The following CCDC38 variants were observed in gnomAD, a reference collection of about 807,000 sequenced individuals.
CCDC38 encodes the protein coiled-coil domain containing 38.
Under a neutral mutation model 72.8 loss-of-function variants are expected in CCDC38, and 69 were observed. The observed-to-expected ratio is 0.95, with a 90% CI of 0.78 to 1.16. CCDC38 has a LOEUF of 1.16. Among genes scored for constraint, CCDC38 ranks in the 50% most tolerant of loss-of-function variants. The probability of loss-of-function intolerance (pLI) is 0.00; values close to 1 mark genes in which losing one functional copy is unlikely to be tolerated. For synonymous variants in CCDC38, 201 were observed against 213.2 expected, an observed-to-expected ratio of 0.94 and a Z score of 0.50; for missense variants, 626 against 638.9, an observed-to-expected ratio of 0.98 and a Z score of 0.22.
chr12:95,880,384 G>A (rs977935885), intron 11 of CCDC38, among the ~76,000 whole-genome samples: 4 of 152,110 alleles, frequency 2.6e-5, no homozygotes, highest in South Asian at 2.1e-4. Context: ...GACCGGGTGC[G>A]GTGGCTCACA....
chr12:95,917,366 T>C (rs2080157004), intron 3 of CCDC38, 72 bp from the exon 4 acceptor site: 6 of 1,236,988 alleles, frequency 4.9e-6, no homozygotes, highest in Non-Finnish European at 6.7e-6. Flanking sequence ...AGTGATTATA[T>C]ATAAAAATAA....
At chr12:95,888,294 G>C (rs779909246) in intron 10 of CCDC38, among the ~76,000 whole-genome samples, 164 bp downstream of exon 10, 1 of 152,206 alleles carries the variant, frequency 6.6e-6, no homozygotes, top group Non-Finnish European at 1.5e-5. Flanking sequence ...AGATTGGAGA[G>C]AGGCCTGTGA....
intron 5 of CCDC38, 104 bp downstream of exon 5, chr12:95,906,283 G>T: frequency 1.2e-6 from 1 of 804,402 alleles, no homozygotes; most frequent in East Asian, 2.6e-5. Flanking sequence ...TCAACCAATA[G>T]ATTTGGGACA....
rs575211510 is a variant in CCDC38 at position 95,910,564 on chromosome 12, A to T, written c.305-4113T>A. On this transcript the variant is annotated intron_variant, in intron 4 of 15. Coordinates refer to ENST00000344280, the MANE Select transcript of CCDC38 (RefSeq NM_182496.3). ...TCACTTTTCACAGAATTAGAAAAAA[A>T]CTATTCTAGAATTCAGGCTGGGCAT... Among the ~76,000 whole-genome samples the T allele has an allele frequency of 2.0e-5, 3 of 152,330 alleles. No individual in the cohort carries two copies. In the South Asian group the frequency reaches 6.2e-4, roughly 32 times the overall value.
chr12:95,922,411 A>G (rs1205915058), intron 2 of CCDC38, among the ~76,000 whole-genome samples: 1 of 152,238 alleles, frequency 6.6e-6, no homozygotes, highest in Non-Finnish European at 1.5e-5. Flanking sequence ...TCAGGAGCAC[A>G]GTGAATCACC....
chr12:95,926,435 C>T (rs1183389232), intron 2 of CCDC38, among the ~76,000 whole-genome samples: 8 of 151,544 alleles, frequency 5.3e-5, no homozygotes, highest in Admixed American at 4.6e-4. Flanking sequence ...TCTCTCTTTT[C>T]TTCTTTATTA....
chr12:95,929,556 G>C (rs922867905), intron 2 of CCDC38, among the ~76,000 whole-genome samples: 5 of 152,108 alleles, frequency 3.3e-5, no homozygotes, highest in Admixed American at 2.6e-4. Flanking sequence ...GGCCATCTTG[G>C]CTCCTCCCCT....
At chr12:95,897,973 G>A (rs918441911) in intron 7 of CCDC38, among the ~76,000 whole-genome samples, 3 of 152,060 alleles carry the variant, frequency 2.0e-5, no homozygotes, top group South Asian at 2.1e-4. Context: ...TAAGATGATC[G>A]TAGAATGAGT....
intron 4 of CCDC38, among the ~76,000 whole-genome samples, chr12:95,914,512 A>G (rs1252807251): frequency 6.6e-6 from 1 of 152,096 alleles, no homozygotes; most frequent in Admixed American, 6.5e-5. Context: ...TTCAAAACAA[A>G]TTCAAGCCTT....
Position 95,898,403 on chromosome 12 carries a change from T to A in CCDC38, c.596A>T (p.Glu199Val). Residue 199 changes from glutamate (E) to valine (V), a missense_variant, in exon 7 of 16, where the codon GAG becomes GTG. By Grantham distance (121) the Glu-to-Val change is moderately radical. Transcript: ENST00000344280. ...CCCTCACCTTTTCACTGCTTGTACC[T>A]CCATGCTTGCTTTCTTCAGCTCTGC... ...MTAELKKASM[E>V]VQAVKSEIAK... The A allele has an allele frequency of 6.2e-7, 1 of 1,614,204 alleles. No individual in the cohort carries two copies. Among genetic ancestry groups the A allele is most frequent in the Non-Finnish European group, 8.5e-7 (1 of 1,180,032 alleles).
chr12:95,907,144 G>C (rs1368820700), intron 4 of CCDC38, among the ~76,000 whole-genome samples: 2 of 147,866 alleles, frequency 1.4e-5, no homozygotes, highest in African/African-American at 5.0e-5. Context: ...TTGGGGGTAA[G>C]GTCACAGATC....
chr12:95,870,870 A>C (rs189757447), intron 14 of CCDC38, among the ~76,000 whole-genome samples: 4 of 152,226 alleles, frequency 2.6e-5, no homozygotes, highest in Non-Finnish European at 4.4e-5. Context: ...AGTACTTACT[A>C]TGCGCCAAGC....
At chr12:95,871,681 G>GAATGAATGTTGAGGAATAAATC (rs141553429) in intron 14 of CCDC38, among the ~76,000 whole-genome samples, 32,426 of 151,672 alleles carry the variant, frequency 0.21, 4,233 homozygotes, top group Non-Finnish European at 0.3. Flanking sequence ...AGGAATAAAT[G>GAATGAATGTTGAGGAATAAATC]AGTGAATGTT....
At chr12:95,941,120 G>T (rs1184536071) in intron 1 of CCDC38, among the ~76,000 whole-genome samples, 1 of 152,142 alleles carries the variant, frequency 6.6e-6, no homozygotes, top group Admixed American at 6.5e-5. Context: ...GAGCTTATCA[G>T]GTAATGTTGT....
intron 3 of CCDC38, among the ~76,000 whole-genome samples, chr12:95,917,766 G>A (rs902934995): frequency 6.6e-6 from 1 of 151,790 alleles, no homozygotes; most frequent in Non-Finnish European, 1.5e-5. Flanking sequence ...CAGCTACTCA[G>A]GAGGCTGAGG....
chr12:95,875,152 T>A (rs2121417413), intron 13 of CCDC38, among the ~76,000 whole-genome samples: 1 of 150,958 alleles, frequency 6.6e-6, no homozygotes, highest in East Asian at 1.9e-4. Flanking sequence ...CCAACAGAGT[T>A]CGAAAACAGG....
intron 12 of CCDC38, 120 bp from the exon 13 acceptor site, chr12:95,878,466 G>A: frequency 1.0e-6 from 1 of 955,016 alleles, no homozygotes; most frequent in Non-Finnish European, 1.6e-6. Flanking sequence ...CCAAATACAA[G>A]TCTGTATTTG....
rs1396912607 is a variant in CCDC38, at chr12:95,867,136, C to T, written c.1632G>A (p.Gln544=). 2 of 1,609,554 alleles carry T rather than the reference C, an allele frequency of 1.2e-6. No homozygotes were observed. Among genetic ancestry groups the T allele is most frequent in the Non-Finnish European group, 1.7e-6 (2 of 1,177,788 alleles). The stretch of plus-strand genomic sequence containing the variant: ...TTTTTGTTTCATTGACTAAAGGTAG[C>T]TGCTGTTTGTTACCAGATGGAGGTT... ...HSKPPSGNKQ[Q]LPLVNETKTK... Residue 544 remains glutamine (Q), a synonymous_variant, in exon 16 of 16, where the codon CAG becomes CAA. Coordinates refer to ENST00000344280, the MANE Select transcript of CCDC38 (RefSeq NM_182496.3).
At chr12:95,902,006 T>G (rs1415114064) in intron 5 of CCDC38, among the ~76,000 whole-genome samples, 1 of 152,186 alleles carries the variant, frequency 6.6e-6, no homozygotes, top group Non-Finnish European at 1.5e-5. Context: ...ATGAAACCAC[T>G]TCAGTTTTTG....
Sources: gnomAD v4.1 joint callset for allele counts (sites outside exome capture counted in the v4.1 genomes callset) on GRCh38, gnomAD v4.1.1 for gene constraint, MANE v1.5 for transcripts, NCBI Gene and HGNC (gene_info 2026-07-23, HGNC 2026-07-21) for gene names.